ETS1: variants seen among roughly 807,000 people sequenced by gnomAD.
ETS1 encodes the protein protein C-ets-1.
ETS1 carries 15 observed loss-of-function variants against 58.6 expected under a neutral mutation model. That is an observed-to-expected ratio of 0.26 (90% CI 0.17 to 0.39). The LOEUF (loss-of-function observed/expected upper bound fraction) is 0.39, where lower values mean the gene tolerates loss of function less well. ETS1 is among the 10% of genes least tolerant of loss of function. The probability of loss-of-function intolerance (pLI) is 1.00; values close to 1 mark genes in which losing one functional copy is unlikely to be tolerated. For synonymous variants in ETS1, 214 were observed against 218.2 expected, an observed-to-expected ratio of 0.98 and a Z score of 0.17; for missense variants, 417 against 610.5, an observed-to-expected ratio of 0.68 and a Z score of 3.34.
intron 5 of ETS1, 139 bp from the exon 6 acceptor site, chr11:128,486,285 T>C: frequency 1.6e-6 from 1 of 607,250 alleles, no homozygotes; most frequent in Non-Finnish European, 3.0e-6. Flanking sequence ...TGGGTTGGTA[T>C]CTGAGTCTGT....
At chr11:128,578,570 T>C (rs1864798761) in intron 1 of ETS1, among the ~76,000 whole-genome samples, 1 of 152,162 alleles carries the variant, frequency 6.6e-6, no homozygotes, top group Non-Finnish European at 1.5e-5. Context: ...AAGTAACAGA[T>C]GGATATTAGA....
At chr11:128,485,317 G>A (rs563304846) in intron 6 of ETS1, among the ~76,000 whole-genome samples, 17 of 152,130 alleles carry the variant, frequency 1.1e-4, no homozygotes, top group Non-Finnish European at 1.6e-4. Context: ...GATTTTTCCC[G>A]GAGCACTGTG....
intron 8 of ETS1, among the ~76,000 whole-genome samples, chr11:128,471,227 A>G (rs1181926201): frequency 1.3e-5 from 2 of 152,234 alleles, no homozygotes; most frequent in African/African-American, 2.4e-5. Context: ...CAGGCTTGAC[A>G]GCAAGACCAG....
chr11:128,485,247 CT>C (rs1862597313), intron 6 of ETS1, among the ~76,000 whole-genome samples, 176 bp from the exon 7 acceptor site: 1 of 152,046 alleles, frequency 6.6e-6, no homozygotes, highest in South Asian at 2.1e-4. Context: ...AGCTTTAGCC[CT>C]TGACAAGGTA....
At chr11:128,495,703 T>C (rs888422880) in intron 3 of ETS1, among the ~76,000 whole-genome samples, 2 of 152,128 alleles carry the variant, frequency 1.3e-5, no homozygotes, top group Admixed American at 6.5e-5. Flanking sequence ...AACTGAAAGA[T>C]AGGATTCTAA....
intron 8 of ETS1, among the ~76,000 whole-genome samples, chr11:128,471,932 G>C (rs1305854554): frequency 6.6e-6 from 1 of 152,180 alleles, no homozygotes; most frequent in Non-Finnish European, 1.5e-5. Context: ...GAAATCACTA[G>C]TTAGGTATAA....
At chr11:128,477,228 T>A (rs1260401179) in intron 8 of ETS1, among the ~76,000 whole-genome samples, 1 of 152,218 alleles carries the variant, frequency 6.6e-6, no homozygotes, top group Non-Finnish European at 1.5e-5. Context: ...GAGCTATGTG[T>A]ACCCCTACTG....
intron 3 of ETS1, among the ~76,000 whole-genome samples, chr11:128,551,945 C>T (rs1864235880): frequency 6.6e-6 from 1 of 152,092 alleles, no homozygotes; most frequent in Non-Finnish European, 1.5e-5. Context: ...TGAGCCTTAG[C>T]CTAGAATCAC....
chr11:128,473,986 G>A (rs979708324), intron 8 of ETS1, among the ~76,000 whole-genome samples: 2 of 152,222 alleles, frequency 1.3e-5, no homozygotes, highest in Non-Finnish European at 2.9e-5. Flanking sequence ...TTCCTCCAAA[G>A]GTGGAGCTTC....
chr11:128,523,535 TTGAC>T (rs1863742303), intron 3 of ETS1, among the ~76,000 whole-genome samples: 1 of 152,250 alleles, frequency 6.6e-6, no homozygotes, highest in African/African-American at 2.4e-5. Context: ...CTCCCAGCAT[TTGAC>T]TGTAACTGTA....
intron 3 of ETS1, among the ~76,000 whole-genome samples, chr11:128,492,927 A>G (rs558010926): frequency 6.6e-6 from 1 of 152,286 alleles, no homozygotes; most frequent in African/African-American, 2.4e-5. Flanking sequence ...AGTGAATTAA[A>G]TTTTTCCAAA....
rs977831679 is a variant in ETS1 at position 128,541,364 on chromosome 11, G to C, written c.214+14927C>G. On this transcript the variant is annotated intron_variant, in intron 3 of 9. Coordinates refer to ENST00000392668, the MANE Select transcript of ETS1 (RefSeq NM_001143820.2). Reference sequence around the variant, plus strand: ...CAGTCAGTAACTTGGAATTACCCATGATCTAACTGAGGACCAAGACACCAA... The same window carrying C: ...CAGTCAGTAACTTGGAATTACCCATCATCTAACTGAGGACCAAGACACCAA... 3.3e-5 allele frequency among the ~76,000 whole-genome samples: 5 copies of C among 152,176 alleles called. No homozygotes were observed. The East Asian group carries it at 9.6e-4, about 29-fold the overall frequency.
chr11:128,579,700 A>T (rs929363996), intron 1 of ETS1, among the ~76,000 whole-genome samples: 2 of 152,040 alleles, frequency 1.3e-5, no homozygotes, highest in African/African-American at 4.8e-5. Flanking sequence ...CAAAACAACT[A>T]ACCATGTAAA....
intron 3 of ETS1, among the ~76,000 whole-genome samples, chr11:128,543,851 T>C (rs1864091769): frequency 6.6e-6 from 1 of 152,134 alleles, no homozygotes; most frequent in Non-Finnish European, 1.5e-5. Context: ...GATTTCAGAG[T>C]CATATTTTCC....
chr11:128,587,396 C>T (rs1039257627), intron 1 of ETS1, 92 bp downstream of exon 1: 1 of 152,306 alleles, frequency 6.6e-6, no homozygotes, highest in African/African-American at 2.4e-5. Context: ...CCTGAATCTC[C>T]CTACCGACTT....
chr11:128,515,252 T>TCTCA (rs1863491633), intron 3 of ETS1, among the ~76,000 whole-genome samples: 1 of 150,498 alleles, frequency 6.6e-6, no homozygotes, highest in Non-Finnish European at 1.5e-5. Context: ...TATCTCTCTG[T>TCTCA]CACACACACA....
At chr11:128,506,270 TTA>T (rs938866870) in intron 3 of ETS1, among the ~76,000 whole-genome samples, 157 of 152,296 alleles carry the variant, frequency 1.0e-3, no homozygotes, top group African/African-American at 3.4e-3. Flanking sequence ...ATGGTAAATT[TTA>T]TGTTATATCA....
chr11:128,555,083 C>G (rs1310411246), intron 3 of ETS1, among the ~76,000 whole-genome samples: 1 of 152,052 alleles, frequency 6.6e-6, no homozygotes, highest in African/African-American at 2.4e-5. Flanking sequence ...CAAAGAATAC[C>G]TCAAAGATCA....
Position 128,462,526 on chromosome 11 carries a change from C to T in ETS1, c.1293G>A (p.Glu431=). Residue 431 remains glutamate, a synonymous_variant, in exon 10 of 10, where the codon GAG becomes GAA. Coordinates refer to ENST00000392668, the MANE Select transcript of ETS1 (RefSeq NM_001143820.2). ...KRKNKPKMNY[E]KLSRGLRYYY... is the part of the protein sequence containing the mutation. Reference sequence around the variant, plus strand: ...AGTAGCGTAGGCCACGGCTCAGTTTCTCATAATTCATCTTAGGTTTGTTTT... The same window carrying T: ...AGTAGCGTAGGCCACGGCTCAGTTTTTCATAATTCATCTTAGGTTTGTTTT... The T allele has an allele frequency of 1.2e-6, 2 of 1,614,186 alleles. No homozygotes were observed. The highest frequency in any genetic ancestry group is 1.7e-6 in the Non-Finnish European group (2 of 1,180,024).
Sources: gnomAD v4.1 joint callset for allele counts (sites outside exome capture counted in the v4.1 genomes callset) on GRCh38, gnomAD v4.1.1 for gene constraint, MANE v1.5 for transcripts, NCBI Gene and HGNC (gene_info 2026-07-23, HGNC 2026-07-21) for gene names.